LCT: variants seen among roughly 807,000 people sequenced by gnomAD.
LCT encodes lactase.
In LCT, 90 loss-of-function variants were observed where a neutral mutation model predicts 173.0. The ratio of observed to expected loss-of-function variants is 0.52; its 90% CI spans 0.44 to 0.62. LCT has a LOEUF of 0.62. Ranked by LOEUF, LCT falls within the 20% of genes least tolerant of loss-of-function variation. LCT has a pLI of 0.00. For synonymous variants in LCT, 853 were observed against 957.6 expected, an observed-to-expected ratio of 0.89 and a Z score of 2.02; for missense variants, 1,864 against 2,431.4, an observed-to-expected ratio of 0.77 and a Z score of 4.91.
At chr2:135,810,776 C>G (rs1384776290) in intron 7 of LCT, among the ~76,000 whole-genome samples, 1 of 151,416 alleles carries the variant, frequency 6.6e-6, no homozygotes, top group Non-Finnish European at 1.5e-5. Context: ...CCTGTAATCC[C>G]AGTACTTTGG....
intron 1 of LCT, among the ~76,000 whole-genome samples, chr2:135,833,726 G>T (rs946081418): frequency 1.3e-5 from 2 of 151,820 alleles, no homozygotes; most frequent in Admixed American, 1.3e-4. Context: ...GATTACAGGC[G>T]TGAGCCACCG....
At chr2:135,831,596 G>A (rs941226844) in intron 2 of LCT, among the ~76,000 whole-genome samples, 5 of 152,168 alleles carry the variant, frequency 3.3e-5, no homozygotes, top group African/African-American at 1.2e-4. Context: ...GGTCTCCTGC[G>A]TTCATAACTG....
rs776844678 is a variant in LCT at position 135,836,626 on chromosome 2, G to T, written c.544C>A (p.Leu182Ile). The T allele has an allele frequency of 1.2e-6, 2 of 1,614,110 alleles. No homozygotes were observed. Among genetic ancestry groups the T allele is most frequent in the Non-Finnish European group, 1.7e-6 (2 of 1,179,962 alleles). ...GACGCTCTTGATTCCTGGTGGGGAA[G>T]CTCCTTGATCACTTCCTCCAAGTCA... is the stretch of plus-strand genomic sequence containing the variant. ...FSDLEEVIKE[L>I]PHQESRASQL... Residue 182 changes from leucine to isoleucine, a missense_variant, in exon 1 of 17, where the codon CTT becomes ATT. By Grantham distance (5) the Leu-to-Ile change is conservative. Transcript: ENST00000264162.
Position 135,800,687 on chromosome 2 carries a change from T to C in LCT, c.4786A>G (p.Ile1596Val). 2 of 1,613,790 alleles carry C rather than the reference T, an allele frequency of 1.2e-6. No individual in the cohort carries two copies. Among genetic ancestry groups the C allele is most frequent in the Non-Finnish European group, 8.5e-7 (1 of 1,180,032 alleles). ...TCAGCCCAGTCACTGCTGATGGTGA[T>C]GGAAATCACGCCACCTTGACTGGCG... Reference protein sequence around the residue: ...YRASQGGVISITISSDWAEPR... With the variant: ...YRASQGGVISVTISSDWAEPR... Residue 1596 changes from isoleucine (I) to valine (V), a missense_variant, in exon 12 of 17, where the codon ATC (isoleucine) becomes GTC (valine). By Grantham distance (29) the Ile-to-Val change is conservative. Around this residue, in one of 4 missense-constraint regions of LCT, gnomAD observed 514 missense variants for 750.1 expected, o/e 0.69. Coordinates refer to ENST00000264162, the MANE Select transcript of LCT (RefSeq NM_002299.4).
intron 3 of LCT, among the ~76,000 whole-genome samples, chr2:135,826,615 T>A (rs1258877207): frequency 6.6e-6 from 1 of 152,010 alleles, no homozygotes; most frequent in Non-Finnish European, 1.5e-5. Flanking sequence ...GAAAATCACA[T>A]CCTCAAGTAC....
intron 10 of LCT, 104 bp downstream of exon 10, chr2:135,804,663 C>T (rs1272478011): frequency 8.7e-7 from 1 of 1,152,462 alleles, no homozygotes; most frequent in East Asian, 2.4e-5. Context: ...ACAACAAAAG[C>T]TAAATTTGAA....
intron 14 of LCT, among the ~76,000 whole-genome samples, chr2:135,792,085 G>A (rs1473217713): frequency 1.3e-5 from 2 of 152,232 alleles, no homozygotes; most frequent in African/African-American, 2.4e-5. Context: ...GTGTGAGAAG[G>A]GGAAAGTCTG....
intron 16 of LCT, among the ~76,000 whole-genome samples, chr2:135,788,872 A>C (rs981944476): frequency 6.6e-5 from 10 of 152,166 alleles, no homozygotes; most frequent in Non-Finnish European, 1.5e-4. Context: ...TATTTTGGGG[A>C]TGGGACCCAG....
chr2:135,832,880 CCAGCAGAGG>C lies in LCT; in HGVS notation c.720+222_720+230del, dbSNP rs1371988178. On this transcript the variant is annotated intron_variant, in intron 2 of 16. Coordinates refer to ENST00000264162, the MANE Select transcript of LCT (RefSeq NM_002299.4). ...GCTATTTTGGACTCAAAAATCAGAGCCAGCAGAGGCAAGTGGCTTCTTCCTGCAGGGAAG... is the reference window on the plus strand; with the variant it reads ...GCTATTTTGGACTCAAAAATCAGAGCCAAGTGGCTTCTTCCTGCAGGGAAG... Among the ~76,000 whole-genome samples, 6 of 152,170 alleles carry C rather than the reference CCAGCAGAGG, an allele frequency of 3.9e-5. 1 individual carries two copies. In the East Asian group the frequency reaches 1.2e-3, roughly 29 times the overall value.
chr2:135,788,085 G>C lies in LCT; in HGVS notation c.*239C>G, dbSNP rs16832012. 356 of 545,794 alleles carry C rather than the reference G, an allele frequency of 6.5e-4. No homozygotes were observed. The highest frequency in any genetic ancestry group is 6.1e-3 in the African/African-American group (322 of 52,748). 33.8% of individuals were successfully genotyped at this position (545,794 alleles called of 1,614,324 possible). A position where few individuals can be genotyped will look rare whatever the true frequency, so the allele number is the denominator to read the frequency against. Reference sequence around the variant, plus strand: ...ACTAGACCAGTATCTACACGTTTCCGCAAGAGCTACTTGCTTCTCAAATGC... The same window carrying C: ...ACTAGACCAGTATCTACACGTTTCCCCAAGAGCTACTTGCTTCTCAAATGC... On this transcript the variant is annotated 3_prime_UTR_variant, in exon 17 of 17. Transcript: ENST00000264162.
At position 135,799,064 on chromosome 2, in the gene LCT, A is replaced by G. The variant is rs140114490; in HGVS notation, c.4867-926T>C. ...AGGAAAAAAGGAAATGTTGTTCTAA[A>G]TCACCAGTTCTGTGAGTCTGAAATG... is the stretch of plus-strand genomic sequence containing the variant. On this transcript the variant is annotated intron_variant, in intron 12 of 16. Coordinates refer to ENST00000264162, the MANE Select transcript of LCT (RefSeq NM_002299.4). Among the ~76,000 whole-genome samples, 18 of 152,358 alleles carry G rather than the reference A, an allele frequency of 1.2e-4. No homozygotes were observed. In the East Asian group the frequency reaches 3.3e-3, roughly 28 times the overall value.
At chr2:135,804,250 C>G in intron 10 of LCT, 122 bp from the exon 11 acceptor site, 1 of 813,412 alleles carries the variant, frequency 1.2e-6, no homozygotes, top group East Asian at 2.6e-5. Flanking sequence ...CAAAAAGGCT[C>G]AAAGATTTTT....
chr2:135,802,281 A>G (rs1413719551), intron 11 of LCT, among the ~76,000 whole-genome samples: 1 of 152,196 alleles, frequency 6.6e-6, no homozygotes, highest in Non-Finnish European at 1.5e-5. Flanking sequence ...TAAAAGGGAA[A>G]CTGGATGGTT....
At chr2:135,833,046 GT>G in intron 2 of LCT, 64 bp downstream of exon 2, 1 of 1,274,220 alleles carries the variant, frequency 7.8e-7, no homozygotes, top group East Asian at 2.3e-5. Context: ...AACTTCTCTT[GT>G]TTTTAAAAAA....
chr2:135,832,978 G>T, intron 2 of LCT, 133 bp downstream of exon 2: 1 of 778,002 alleles, frequency 1.3e-6, no homozygotes. Flanking sequence ...TTATGAACCT[G>T]GAGAACATAC....
chr2:135,794,425 C>A (rs2077561102), intron 14 of LCT: 1 of 601,774 alleles, frequency 1.7e-6, no homozygotes, highest in Non-Finnish European at 3.0e-6. Context: ...AGCACATGTG[C>A]CCTAATGGGA....
In LCT at chr2:135,807,303, C is replaced by T; in HGVS notation, c.3998G>A (p.Gly1333Glu). 1 of 1,614,178 alleles carries T rather than the reference C, an allele frequency of 6.2e-7. No homozygotes were observed. Among genetic ancestry groups the T allele is most frequent in the Non-Finnish European group, 8.5e-7 (1 of 1,180,026 alleles). Residue 1333 changes from glycine (G) to glutamate (E), a missense_variant, in exon 9 of 17, where the codon GGA (glycine) becomes GAA (glutamate). Coordinates refer to ENST00000264162, the MANE Select transcript of LCT (RefSeq NM_002299.4). ...EWLNGYTVKF[G>E]LYHVDFNNTN... ...GTTGTTGAAATCAACATGGTACAGT[C>T]CAAACTTGACCGTGTAGCCATTTAG...
chr2:135,833,005 C>T (rs1458403124), intron 2 of LCT, 106 bp downstream of exon 2: 1 of 847,978 alleles, frequency 1.2e-6, no homozygotes, highest in Non-Finnish European at 2.1e-6. Flanking sequence ...CATTCTGAGG[C>T]ATTTACAGAA....
chr2:135,832,737 G>A (rs573804179), intron 2 of LCT, among the ~76,000 whole-genome samples: 7 of 152,038 alleles, frequency 4.6e-5, no homozygotes, highest in African/African-American at 4.8e-5. Context: ...TCCCATCTCC[G>A]CCTCCCAAAG....
Sources: gnomAD v4.1 joint callset for allele counts (sites outside exome capture counted in the v4.1 genomes callset) on GRCh38, gnomAD v4.1.1 for gene constraint, gnomAD v4.1.1 regional missense constraint, MANE v1.5 for transcripts, NCBI Gene and HGNC (gene_info 2026-07-23, HGNC 2026-07-21) for gene names.